The following ITFG1 variants were observed in gnomAD, a reference collection of about 807,000 sequenced individuals.
The protein encoded by ITFG1 is T-cell immunomodulatory protein.
ITFG1 carries 34 observed loss-of-function variants against 81.8 expected under a neutral mutation model. The observed-to-expected ratio is 0.42, with a 90% CI of 0.32 to 0.55. The LOEUF is 0.55. Among genes scored for constraint, ITFG1 ranks in the 20% least tolerant of loss-of-function variants. The pLI is 0.17. For missense variants in ITFG1, 672 were observed against 755.4 expected (o/e 0.89, Z 1.29); for synonymous variants, 285 against 270.6 (o/e 1.05, Z -0.52).
chr16:47,329,073 T>TA (rs1967602936), intron 8 of ITFG1, among the ~76,000 whole-genome samples: 1 of 152,134 alleles, frequency 6.6e-6, no homozygotes, highest in Non-Finnish European at 1.5e-5. Flanking sequence ...TTCCTTCTTA[T>TA]TATGATTAGA....
chr16:47,344,528 T>C (rs1203206396), intron 8 of ITFG1, among the ~76,000 whole-genome samples: 8 of 152,240 alleles, frequency 5.3e-5, no homozygotes, highest in Admixed American at 5.2e-4. Flanking sequence ...CTTAAAATAA[T>C]TTATTTAGCA....
chr16:47,394,845 A>G (rs1968575073), intron 6 of ITFG1, among the ~76,000 whole-genome samples: 1 of 152,178 alleles, frequency 6.6e-6, no homozygotes, highest in Non-Finnish European at 1.5e-5. Flanking sequence ...GTAATTAAAA[A>G]CTAAAGTTTC....
intron 10 of ITFG1, among the ~76,000 whole-genome samples, chr16:47,280,049 T>A (rs1374532326): frequency 1.3e-5 from 2 of 152,176 alleles, no homozygotes; most frequent in African/African-American, 4.8e-5. Flanking sequence ...CCAACAATCA[T>A]GTCACCTCAA....
rs1471693711 is a variant in ITFG1 at position 47,311,416 on chromosome 16, T to C, written c.898-4A>G. 1.9e-6 allele frequency: 3 copies of C among 1,596,694 alleles called. No individual in the cohort carries two copies. Among genetic ancestry groups the C allele is most frequent in the Admixed American group, 1.8e-5 (1 of 56,694 alleles). On this transcript the variant is annotated splice_region_variant and splice_polypyrimidine_tract_variant and intron_variant, in intron 9 of 17. Transcript: ENST00000320640. ...AATCTTGTAGGACTGGAACCCACTATGGATTAAGAGAAAAAGATCAGACTT... is the reference window on the plus strand; with the variant it reads ...AATCTTGTAGGACTGGAACCCACTACGGATTAAGAGAAAAAGATCAGACTT...
upstream of ITFG1, chr16:47,461,219 A>G: frequency 1.0e-6 from 1 of 974,342 alleles, no homozygotes; most frequent in South Asian, 1.6e-5. Context: ...AAAGCAGTGG[A>G]GCTAGGGTGA....
chr16:47,200,494 T>C (rs1965412285), intron 14 of ITFG1, among the ~76,000 whole-genome samples: 1 of 152,224 alleles, frequency 6.6e-6, no homozygotes, highest in Non-Finnish European at 1.5e-5. Flanking sequence ...GTTTATTTCC[T>C]ACATTATATT....
chr16:47,229,329 GAA>G (rs1965791063), intron 13 of ITFG1, among the ~76,000 whole-genome samples: 1 of 152,148 alleles, frequency 6.6e-6, no homozygotes, highest in Non-Finnish European at 1.5e-5. Context: ...AGAAGGTGAA[GAA>G]GAGAAGGCTT....
intron 7 of ITFG1, among the ~76,000 whole-genome samples, chr16:47,374,455 C>T (rs1480730582): frequency 1.3e-5 from 2 of 152,120 alleles, no homozygotes; most frequent in Non-Finnish European, 2.9e-5. Flanking sequence ...ACCTCAGATA[C>T]TTAAGGGTGT....
chr16:47,302,715 T>A (rs985348768), intron 10 of ITFG1, among the ~76,000 whole-genome samples: 1 of 152,236 alleles, frequency 6.6e-6, no homozygotes, highest in Non-Finnish European at 1.5e-5. Flanking sequence ...TTTTGACAAC[T>A]TCTCCGTAAT....
intron 5 of ITFG1, chr16:47,450,260 A>G (rs1450439005): frequency 2.4e-5 from 4 of 164,646 alleles, no homozygotes; most frequent in South Asian, 2.4e-4. Flanking sequence ...ATTTTGGAGA[A>G]AAAAACAGGT....
chr16:47,203,382 T>A (rs1357664269), intron 14 of ITFG1, among the ~76,000 whole-genome samples: 1 of 152,216 alleles, frequency 6.6e-6, no homozygotes, highest in Non-Finnish European at 1.5e-5. Flanking sequence ...TTTGGGATGA[T>A]TCAAGCACAT....
intron 9 of ITFG1, chr16:47,312,093 G>C (rs555149732): frequency 6.6e-6 from 1 of 152,274 alleles, no homozygotes; most frequent in East Asian, 1.9e-4. Flanking sequence ...AACAGAAAGA[G>C]AACAGAAAGC....
intron 5 of ITFG1, among the ~76,000 whole-genome samples, chr16:47,437,830 G>C (rs1969188159): frequency 6.6e-6 from 1 of 152,222 alleles, no homozygotes; most frequent in Non-Finnish European, 1.5e-5. Flanking sequence ...ATCTCACTGG[G>C]GAATGCCGGA....
chr16:47,285,173 T>C (rs1966865077), intron 10 of ITFG1, among the ~76,000 whole-genome samples: 2 of 152,248 alleles, frequency 1.3e-5, no homozygotes, highest in South Asian at 2.1e-4. Flanking sequence ...TTTCTGATCC[T>C]GGGTCTTAAG....
intron 12 of ITFG1, among the ~76,000 whole-genome samples, chr16:47,254,660 C>T (rs1966119516): frequency 6.6e-6 from 1 of 152,136 alleles, no homozygotes; most frequent in Admixed American, 6.5e-5. Context: ...AAAGAACTTG[C>T]TGAGCACAGG....
At chr16:47,452,854 C>T (rs1006055488) in intron 3 of ITFG1, 64 bp from the exon 4 acceptor site, 5 of 816,978 alleles carry the variant, frequency 6.1e-6, no homozygotes, top group Non-Finnish European at 9.5e-6. Flanking sequence ...GATATCTATG[C>T]TTAGGAAAAA....
At position 47,335,428 on chromosome 16, in the gene ITFG1, A is replaced by T. The variant is rs189326867; in HGVS notation, c.803-21605T>A. The stretch of plus-strand genomic sequence containing the variant: ...CAAAACAACAAAAAACCCTACTAAG[A>T]CATAAAAAGACAAGCTGCAGAGTGG... On this transcript the variant is annotated intron_variant, in intron 8 of 17. Coordinates refer to ENST00000320640, the MANE Select transcript of ITFG1 (RefSeq NM_030790.5). Among the ~76,000 whole-genome samples the T allele has an allele frequency of 8.4e-4, 128 of 152,246 alleles. 1 individual carries two copies. The highest frequency in any genetic ancestry group is 2.9e-3 in the African/African-American group (121 of 41,556).
chr16:47,420,976 T>G (rs2151606529), intron 6 of ITFG1, among the ~76,000 whole-genome samples: 1 of 152,318 alleles, frequency 6.6e-6, no homozygotes, highest in Non-Finnish European at 1.5e-5. Context: ...TACATTATCT[T>G]GCTGAATTGT....
intron 10 of ITFG1, among the ~76,000 whole-genome samples, chr16:47,261,809 A>T (rs1203255313): frequency 6.6e-6 from 1 of 152,148 alleles, no homozygotes; most frequent in Non-Finnish European, 1.5e-5. Flanking sequence ...GAGTAGCTGG[A>T]CTACAGGTGT....
Sources: allele counts gnomAD v4.1 joint callset (sites outside exome capture counted in the v4.1 genomes callset), GRCh38; gene constraint gnomAD v4.1.1; transcripts MANE v1.5; gene names NCBI Gene and HGNC (gene_info 2026-07-23, HGNC 2026-07-21).